Variants in ADAM19 observed in about 807,000 individuals in gnomAD.
The protein encoded by ADAM19 is ADAM metallopeptidase domain 19.
In ADAM19, 65 loss-of-function variants were observed where a neutral mutation model predicts 114.7. The observed-to-expected ratio is 0.57, with a 90% CI of 0.46 to 0.70. The LOEUF (loss-of-function observed/expected upper bound fraction) is 0.70. Among genes scored for constraint, ADAM19 ranks in the 30% least tolerant of loss-of-function variants. ADAM19 has a pLI of 0.00. For missense variants in ADAM19, 1,063 were observed against 1,204.7 expected, an observed-to-expected ratio of 0.88 and a Z score of 1.74; for synonymous variants, 466 against 460.5, an observed-to-expected ratio of 1.01 and a Z score of -0.15.
intron 3 of ADAM19, among the ~76,000 whole-genome samples, 178 bp downstream of exon 3, chr5:157,564,195 A>G (rs1757588339): frequency 6.6e-6 from 1 of 152,220 alleles, no homozygotes; most frequent in Non-Finnish European, 1.5e-5. Context: ...GCAATCTCAC[A>G]TCGAGTCAAG....
intron 12 of ADAM19, among the ~76,000 whole-genome samples, chr5:157,501,723 C>T (rs959086175): frequency 1.3e-5 from 2 of 152,100 alleles, no homozygotes; most frequent in Non-Finnish European, 2.9e-5. Context: ...CTGAAAGTGA[C>T]ATACTGGCAT....
chr5:157,479,349 T>C lies in ADAM19; in HGVS notation c.*1600A>G. ...GGGGTGGTGAATCAGAAGCTCAGCC[T>C]CAGCCTTGCAGTGAGGTTTTCAAGA... On this transcript the variant is annotated 3_prime_UTR_variant, in exon 23 of 23. Transcript: ENST00000257527. The C allele has an allele frequency of 1.0e-6, 1 of 986,012 alleles. No individual in the cohort carries two copies. Among genetic ancestry groups the C allele is most frequent in the Non-Finnish European group, 1.2e-6 (1 of 830,104 alleles). The allele number at this position is 986,012 out of a possible 1,614,324, so 61.1% of individuals were successfully genotyped here.
chr5:157,526,624 A>ATTT lies in ADAM19; in HGVS notation c.407+4180_407+4182dup, dbSNP rs34746765. ...GATGCCACATCTTTTTATTGGTGTC[A>ATTT]TTTTTTTTTTTTTTGAGATGGGGTC... is the stretch of plus-strand genomic sequence containing the variant. On this transcript the variant is annotated intron_variant, in intron 5 of 22. Coordinates refer to ENST00000257527, the MANE Select transcript of ADAM19 (RefSeq NM_033274.5). Among the ~76,000 whole-genome samples the ATTT allele has an allele frequency of 4.8e-5, 7 of 145,482 alleles. 1 individual carries two copies. Among genetic ancestry groups the ATTT allele is most frequent in the African/African-American group, 1.8e-4 (7 of 39,310 alleles).
At chr5:157,482,263 T>G (rs2113682502) in intron 21 of ADAM19, among the ~76,000 whole-genome samples, 1 of 152,370 alleles carries the variant, frequency 6.6e-6, no homozygotes, top group African/African-American at 2.4e-5. Flanking sequence ...TGATTTTTTC[T>G]TGTAAATCTG....
At chr5:157,487,611 C>T (rs528103969) in intron 21 of ADAM19, among the ~76,000 whole-genome samples, 10 of 152,222 alleles carry the variant, frequency 6.6e-5, no homozygotes, top group Non-Finnish European at 1.0e-4. Context: ...AGCACACACA[C>T]GCAGTGGGAA....
intron 3 of ADAM19, among the ~76,000 whole-genome samples, chr5:157,551,412 C>CAAA (rs58612508): frequency 5.5e-4 from 65 of 118,226 alleles, no homozygotes; most frequent in African/African-American, 1.5e-3. Context: ...CCCCCAACCC[C>CAAA]AAAAAAAAAA....
intron 15 of ADAM19, among the ~76,000 whole-genome samples, chr5:157,494,039 T>C (rs1224338971): frequency 6.6e-6 from 1 of 152,240 alleles, no homozygotes; most frequent in African/African-American, 2.4e-5. Context: ...ACATTGCCAT[T>C]GTCATACTAT....
At chr5:157,494,819 C>T (rs1243152409) in intron 14 of ADAM19, 24 bp from the exon 15 acceptor site, 1 of 1,593,064 alleles carries the variant, frequency 6.3e-7, no homozygotes, top group African/African-American at 1.3e-5. Flanking sequence ...CAACATCTAT[C>T]AGTATACTCA....
intron 7 of ADAM19, 45 bp downstream of exon 7, chr5:157,518,778 A>G: frequency 7.0e-7 from 1 of 1,433,070 alleles, no homozygotes; most frequent in African/African-American, 1.4e-5. Context: ...AATGGAAGCT[A>G]TCAAGAGAGC....
rs770001745 is a variant in ADAM19, at chr5:157,519,929, G to A, written c.510C>T (p.Pro170=). The change falls in exon 6 of 23, where the codon CCC becomes CCT. Residue 170 remains proline, a synonymous_variant. Transcript: ENST00000257527. ...AGTGCTCGAACCCACAGTTTCCCGG[G>A]GGCGGCTTGAGATGTTCAGATCTGT... ...LIYRSEHLKP[P]PGNCGFEHSK... 3 of 1,614,144 alleles carry A rather than the reference G, an allele frequency of 1.9e-6. No individual in the cohort carries two copies. The highest frequency in any genetic ancestry group is 2.5e-6 in the Non-Finnish European group (3 of 1,180,030).
At chr5:157,521,222 G>A (rs1202855453) in intron 5 of ADAM19, among the ~76,000 whole-genome samples, 1 of 152,206 alleles carries the variant, frequency 6.6e-6, no homozygotes, top group Non-Finnish European at 1.5e-5. Context: ...GGCCCAGGCA[G>A]CAGATATCTG....
intron 7 of ADAM19, among the ~76,000 whole-genome samples, chr5:157,515,489 A>G (rs1457284494): frequency 6.6e-6 from 1 of 152,214 alleles, no homozygotes; most frequent in East Asian, 1.9e-4. Flanking sequence ...TCTCTGCTAC[A>G]ACTCTTCAAC....
chr5:157,524,956 C>T (rs1288362530), intron 5 of ADAM19, among the ~76,000 whole-genome samples: 1 of 152,216 alleles, frequency 6.6e-6, no homozygotes, highest in East Asian at 1.9e-4. Context: ...ACTGAGAACC[C>T]AGTGTGTGAC....
At chr5:157,482,057 C>T (rs1754770800) in intron 21 of ADAM19, 114 bp from the exon 22 acceptor site, 2 of 859,316 alleles carry the variant, frequency 2.3e-6, no homozygotes, top group Non-Finnish European at 3.5e-6. Flanking sequence ...CTGTATGGTC[C>T]CATTTAGAAA....
intron 3 of ADAM19, among the ~76,000 whole-genome samples, chr5:157,539,292 G>A (rs1366053022): frequency 3.9e-5 from 6 of 152,298 alleles, no homozygotes; most frequent in Non-Finnish European, 2.9e-5. Flanking sequence ...TCAGAGAGGT[G>A]TTTTGAAAAC....
At chr5:157,494,610 G>A in intron 15 of ADAM19, 77 bp downstream of exon 15, 4 of 1,231,348 alleles carry the variant, frequency 3.2e-6, no homozygotes, top group Non-Finnish European at 4.7e-6. Flanking sequence ...TCACACTGCT[G>A]AGTTGGGCAA....
At chr5:157,553,184 T>C (rs938965486) in intron 3 of ADAM19, among the ~76,000 whole-genome samples, 1 of 152,184 alleles carries the variant, frequency 6.6e-6, no homozygotes, top group Non-Finnish European at 1.5e-5. Flanking sequence ...AAGAGTATAA[T>C]TGGACTGTTT....
At chr5:157,555,911 T>A (rs1456147108) in intron 3 of ADAM19, among the ~76,000 whole-genome samples, 1 of 152,236 alleles carries the variant, frequency 6.6e-6, no homozygotes. Flanking sequence ...ATCACATCAC[T>A]GTCTCCTGTT....
intron 7 of ADAM19, among the ~76,000 whole-genome samples, chr5:157,517,361 C>G (rs879211501): frequency 6.6e-6 from 1 of 152,220 alleles, no homozygotes; most frequent in Admixed American, 6.5e-5. Flanking sequence ...GTCTGCCCTG[C>G]TCGAACACAG....
Sources: gnomAD v4.1 joint callset for allele counts (sites outside exome capture counted in the v4.1 genomes callset) on GRCh38, gnomAD v4.1.1 for gene constraint, MANE v1.5 for transcripts, NCBI Gene and HGNC (gene_info 2026-07-23, HGNC 2026-07-21) for gene names.